Variants in MEMO1 observed in about 807,000 individuals in gnomAD.
MEMO1 encodes the protein protein MEMO1.
Under a neutral mutation model 45.2 loss-of-function variants are expected in MEMO1, and 6 were observed. The observed-to-expected ratio is 0.13, with a 90% CI of 0.07 to 0.26. The LOEUF is 0.26. MEMO1 is among the 10% of genes least tolerant of loss of function. The probability of loss-of-function intolerance (pLI) is 1.00; values close to 1 mark genes in which losing one functional copy is unlikely to be tolerated. For synonymous variants in MEMO1, 78 were observed against 124.3 expected (o/e 0.63, Z 2.48); for missense variants, 184 against 370.5 (o/e 0.50, Z 4.13).
chr2:31,925,485 A>AAAAAAAAAC (rs1682960648), intron 4 of MEMO1, among the ~76,000 whole-genome samples: 1 of 95,046 alleles, frequency 1.1e-5, no homozygotes. Flanking sequence ...CAAAAAAAAA[A>AAAAAAAAAC]AAAAAAAAAA....
intron 4 of MEMO1, among the ~76,000 whole-genome samples, chr2:31,931,841 A>G (rs1664216175): frequency 6.6e-6 from 1 of 152,160 alleles, no homozygotes; most frequent in South Asian, 2.1e-4. Flanking sequence ...ATAACTAAAC[A>G]TTTTACATGC....
chr2:31,973,318 G>A (rs1025514594), intron 2 of MEMO1, among the ~76,000 whole-genome samples: 6 of 152,100 alleles, frequency 3.9e-5, no homozygotes, highest in African/African-American at 1.4e-4. Context: ...GCCATGTGTG[G>A]TGGCGGGTGC....
At chr2:31,948,669 C>A (rs925794906) in intron 2 of MEMO1, among the ~76,000 whole-genome samples, 1 of 152,142 alleles carries the variant, frequency 6.6e-6, no homozygotes, top group African/African-American at 2.4e-5. Flanking sequence ...GAGGCCAAAG[C>A]GGGTAGATCA....
chr2:31,933,239 A>C (rs1664397897), intron 3 of MEMO1, among the ~76,000 whole-genome samples: 1 of 146,494 alleles, frequency 6.8e-6, no homozygotes, highest in Non-Finnish European at 1.5e-5. Flanking sequence ...AGGATTGCTT[A>C]AGCCAAGTTC....
At chr2:31,962,502 G>A (rs1320418580) in intron 2 of MEMO1, among the ~76,000 whole-genome samples, 1 of 152,106 alleles carries the variant, frequency 6.6e-6, no homozygotes, top group African/African-American at 2.4e-5. Context: ...CTTCTCTCAA[G>A]TACTTTATCA....
chr2:31,995,957 A>C (rs1396367966), intron 2 of MEMO1, among the ~76,000 whole-genome samples: 1 of 152,176 alleles, frequency 6.6e-6, no homozygotes, highest in Non-Finnish European at 1.5e-5. Flanking sequence ...GCCAAAATAC[A>C]ATACAAAATT....
chr2:32,003,669 G>A (rs1263551357), intron 2 of MEMO1, among the ~76,000 whole-genome samples: 1 of 152,182 alleles, frequency 6.6e-6, no homozygotes, highest in Non-Finnish European at 1.5e-5. Context: ...AAGCACAGGA[G>A]GGTAACTTCA....
intron 2 of MEMO1, among the ~76,000 whole-genome samples, chr2:31,947,535 C>T (rs868677172): frequency 1.3e-5 from 2 of 152,078 alleles, no homozygotes; most frequent in Non-Finnish European, 2.9e-5. Flanking sequence ...TGAAGAAATA[C>T]TGATAAATGG....
intron 2 of MEMO1, among the ~76,000 whole-genome samples, chr2:32,002,556 A>C (rs1673543608): frequency 1.3e-5 from 2 of 152,028 alleles, no homozygotes; most frequent in African/African-American, 4.8e-5. Flanking sequence ...CCCTAATACC[A>C]AACTCTAATT....
At chr2:31,933,196 T>C (rs890138589) in intron 3 of MEMO1, among the ~76,000 whole-genome samples, 2 of 150,746 alleles carry the variant, frequency 1.3e-5, no homozygotes, top group Admixed American at 1.3e-4. Context: ...GGCACATGCC[T>C]GTAGTCCCAG....
chr2:31,969,586 GGTGTGTGTGTGTGTGT>G (rs367639470), intron 2 of MEMO1, among the ~76,000 whole-genome samples: 20 of 119,228 alleles, frequency 1.7e-4, no homozygotes, highest in South Asian at 2.8e-4. Flanking sequence ...TGTGTGTGTG[GGTGTGTGTGTGTGTGT>G]GTGTGTGTGT....
chr2:31,903,084 CAAATT>C (rs1307361423), intron 6 of MEMO1, among the ~76,000 whole-genome samples: 3 of 151,844 alleles, frequency 2.0e-5, no homozygotes, highest in Admixed American at 6.6e-5. Flanking sequence ...ATGAAATATA[CAAATT>C]AAATATTTAC....
At position 31,956,090 on chromosome 2, in the gene MEMO1, G is replaced by A. The variant is rs77507051; in HGVS notation, c.62-12707C>T. Among the ~76,000 whole-genome samples the A allele has an allele frequency of 8.8e-3, 1,344 of 152,210 alleles. 20 individuals carry two copies. The highest frequency in any genetic ancestry group is 0.03 in the African/African-American group (1,249 of 41,522). ...TGACACAAATGCTTGAAGTTGAGTC[G>A]ACAGTACTTCCCTAAAACAGAGCTA... On this transcript the variant is annotated intron_variant, in intron 2 of 9. Coordinates refer to ENST00000404530, the MANE Select transcript of MEMO1 (RefSeq NM_001301833.4).
At chr2:31,979,120 C>T (rs1249521638) in intron 2 of MEMO1, among the ~76,000 whole-genome samples, 2 of 152,122 alleles carry the variant, frequency 1.3e-5, no homozygotes, top group African/African-American at 4.8e-5. Context: ...CTTCACATGG[C>T]ATCAGGAGAG....
intron 3 of MEMO1, among the ~76,000 whole-genome samples, chr2:31,940,660 A>G (rs564607301): frequency 8.5e-5 from 13 of 152,228 alleles, no homozygotes; most frequent in African/African-American, 2.9e-4. Flanking sequence ...TCCTCCCTCC[A>G]TCTACCAAGT....
intron 6 of MEMO1, among the ~76,000 whole-genome samples, chr2:31,901,659 C>T (rs1678839215): frequency 1.3e-5 from 2 of 152,078 alleles, no homozygotes; most frequent in African/African-American, 2.4e-5. Context: ...GTAATCTCAA[C>T]ACTTTGGGAG....
intron 2 of MEMO1, among the ~76,000 whole-genome samples, 162 bp downstream of exon 2, chr2:32,010,025 C>A (rs1347014165): frequency 2.7e-5 from 4 of 148,210 alleles, no homozygotes; most frequent in African/African-American, 9.8e-5. Context: ...GCGGCGAGGC[C>A]GGCCTCGGCT....
chr2:31,917,734 C>T (rs1681675243), intron 6 of MEMO1, among the ~76,000 whole-genome samples, 192 bp downstream of exon 6: 1 of 152,198 alleles, frequency 6.6e-6, no homozygotes, highest in African/African-American at 2.4e-5. Flanking sequence ...ACCATCATGT[C>T]AATTCGTATG....
At chr2:31,954,064 C>T (rs773460350) in intron 2 of MEMO1, among the ~76,000 whole-genome samples, 13 of 152,112 alleles carry the variant, frequency 8.5e-5, no homozygotes, top group Non-Finnish European at 1.3e-4. Context: ...CACATATAGC[C>T]ACATGATTGT....
Sources: allele counts gnomAD v4.1 joint callset (sites outside exome capture counted in the v4.1 genomes callset), GRCh38; gene constraint gnomAD v4.1.1; transcripts MANE v1.5; gene names NCBI Gene and HGNC (gene_info 2026-07-23, HGNC 2026-07-21).